The following TRIM33 variants were observed in gnomAD, a reference collection of about 807,000 sequenced individuals.
TRIM33 encodes tripartite motif containing 33.
In TRIM33, 20 loss-of-function variants were observed where a neutral mutation model predicts 125.4. The ratio of observed to expected loss-of-function variants is 0.16; its 90% CI spans 0.11 to 0.23. The LOEUF (loss-of-function observed/expected upper bound fraction) is 0.23, where lower values mean the gene tolerates loss of function less well. Among genes scored for constraint, TRIM33 ranks in the 10% least tolerant of loss-of-function variants. The pLI, the probability that TRIM33 is intolerant of heterozygous loss-of-function variation, is 1.00. For synonymous variants in TRIM33, 564 were observed against 513.9 expected, an observed-to-expected ratio of 1.10 and a Z score of -1.32; for missense variants, 920 against 1,411.4, an observed-to-expected ratio of 0.65 and a Z score of 5.58.
At chr1:114,451,289 A>G (rs185350577) in intron 4 of TRIM33, among the ~76,000 whole-genome samples, 1 of 151,366 alleles carries the variant, frequency 6.6e-6, no homozygotes, top group Non-Finnish European at 1.5e-5. Flanking sequence ...GGCTTCCTTC[A>G]TATCTCCTTT....
intron 18 of TRIM33, 67 bp from the exon 19 acceptor site, chr1:114,398,057 G>A: frequency 6.5e-7 from 1 of 1,546,366 alleles, no homozygotes; most frequent in African/African-American, 1.4e-5. Context: ...TTATGAGACT[G>A]CATAGGATTG....
At chr1:114,431,373 C>T (rs924487438) in intron 5 of TRIM33, among the ~76,000 whole-genome samples, 1 of 152,232 alleles carries the variant, frequency 6.6e-6, no homozygotes, top group African/African-American at 2.4e-5. Context: ...TTAGCCACTT[C>T]AAACATGGGT....
At position 114,423,068 on chromosome 1, in the gene TRIM33, TAA is replaced by T. The variant is rs1397451862; in HGVS notation, c.1861-1434_1861-1433del. Among the ~76,000 whole-genome samples the T allele has an allele frequency of 2.6e-5, 4 of 151,906 alleles. No individual in the cohort carries two copies. In the East Asian group the frequency reaches 5.8e-4, roughly 22 times the overall value. ...AACATACATAACCAGAAGCAGGAGG[TAA>T]AAAGTCTCCATCTAGCTCAAAGAAA... On this transcript the variant is annotated intron_variant, in intron 10 of 19. Coordinates refer to ENST00000358465, the MANE Select transcript of TRIM33 (RefSeq NM_015906.4).
chr1:114,500,428 T>G (rs926907845), intron 1 of TRIM33, among the ~76,000 whole-genome samples: 4 of 151,912 alleles, frequency 2.6e-5, no homozygotes, highest in African/African-American at 9.7e-5. Flanking sequence ...AGCTTCAAAC[T>G]CCTAAGCTCA....
intron 6 of TRIM33, among the ~76,000 whole-genome samples, chr1:114,428,508 C>A (rs567304826): frequency 1.3e-5 from 2 of 152,264 alleles, no homozygotes; most frequent in African/African-American, 4.8e-5. Context: ...ACTAAAATCA[C>A]CCCAGGAGGG....
In TRIM33 at chr1:114,399,678, T is replaced by C. The variant is rs903914996; in HGVS notation, c.2968-69A>G. 24 of 1,309,006 alleles carry C rather than the reference T, an allele frequency of 1.8e-5. 1 individual carries two copies. The Admixed American group carries it at 3.1e-4, about 17-fold the overall frequency. 81.1% of individuals were successfully genotyped at this position (1,309,006 alleles called of 1,614,324 possible). ...CCAAACTGTTTAATTTGAAAATGCA[T>C]AGCATATTAATTTTAGGGAAAAAAA... On this transcript the variant is annotated intron_variant, in intron 17 of 19. Transcript: ENST00000358465.
chr1:114,510,545 G>C lies in TRIM33; in HGVS notation c.526+6C>G, dbSNP rs1293342955. ...GCCCAGATGCCAGGCAGGGCCTCCG[G>C]CTCACCTTGCTGGATGTCGCCGTTG... On this transcript the variant is annotated splice_donor_region_variant and intron_variant, in intron 1 of 19. Transcript: ENST00000358465. 1 of 1,473,870 alleles carries C rather than the reference G, an allele frequency of 6.8e-7. No homozygotes were observed. Among genetic ancestry groups the C allele is most frequent in the Admixed American group, 2.2e-5 (1 of 44,466 alleles). The allele number at this position is 1,473,870 out of a possible 1,614,324, so 91.3% of individuals were successfully genotyped here.
At position 114,511,135 on chromosome 1, in the gene TRIM33, G is replaced by GCCGCCGCCC. The variant is rs1375905386; in HGVS notation, c.-68_-60dup. The GCCGCCGCCC allele has an allele frequency of 5.5e-6, 6 of 1,089,596 alleles. No individual in the cohort carries two copies. In the African/African-American group the frequency reaches 6.7e-5, roughly 12 times the overall value. 67.5% of individuals were successfully genotyped at this position (1,089,596 alleles called of 1,614,324 possible). A position where few individuals can be genotyped will look rare whatever the true frequency, so the allele number is the denominator to read the frequency against. ...GCCGCCCGCCGCCCGCGTCGCCGCC[G>GCCGCCGCCC]CCGCCGCCCCCAGCCCCAGCCGCAG... On this transcript the variant is annotated 5_prime_UTR_variant, in exon 1 of 20. Coordinates refer to ENST00000358465, the MANE Select transcript of TRIM33 (RefSeq NM_015906.4).
At chr1:114,504,413 C>G (rs1206028542) in intron 1 of TRIM33, among the ~76,000 whole-genome samples, 4 of 152,138 alleles carry the variant, frequency 2.6e-5, no homozygotes, top group Admixed American at 2.0e-4. Context: ...AGCAATCCAC[C>G]CACCTCGGCC....
At chr1:114,426,052 C>G (rs925929309) in intron 8 of TRIM33, among the ~76,000 whole-genome samples, 10 of 152,182 alleles carry the variant, frequency 6.6e-5, no homozygotes, top group Admixed American at 6.5e-4. Context: ...TCTCCCATGA[C>G]AAGACTTACT....
chr1:114,473,544 G>A lies in TRIM33; in HGVS notation c.527-9156C>T, dbSNP rs141079153. 3.3e-3 allele frequency among the ~76,000 whole-genome samples: 495 copies of A among 152,240 alleles called. 1 individual carries two copies. Among genetic ancestry groups the A allele is most frequent in the Admixed American group, 6.0e-3 (92 of 15,278 alleles). On this transcript the variant is annotated intron_variant, in intron 1 of 19. Transcript: ENST00000358465. ...CAGAGCAGGAAATCGGAATGAATCA[G>A]GGTGGAGAATGAGTCAGGGCAGAGC... is the stretch of plus-strand genomic sequence containing the variant.
intron 4 of TRIM33, among the ~76,000 whole-genome samples, chr1:114,440,757 A>G (rs1392614950): frequency 1.3e-5 from 2 of 152,160 alleles, no homozygotes; most frequent in African/African-American, 4.8e-5. Context: ...TTCAATGTAA[A>G]AAAAGGGGGG....
At chr1:114,489,507 G>T (rs1196549405) in intron 1 of TRIM33, among the ~76,000 whole-genome samples, 1 of 152,150 alleles carries the variant, frequency 6.6e-6, no homozygotes, top group Non-Finnish European at 1.5e-5. Context: ...ACTTTACGGG[G>T]CTGAAGCAAG....
At chr1:114,424,242 G>C (rs1572037310) in intron 10 of TRIM33, among the ~76,000 whole-genome samples, 1 of 152,254 alleles carries the variant, frequency 6.6e-6, no homozygotes, top group African/African-American at 2.4e-5. Flanking sequence ...TAAAAGAGCA[G>C]AGCAGCATTT....
intron 1 of TRIM33, among the ~76,000 whole-genome samples, chr1:114,468,049 TAGGAA>T (rs1650412908): frequency 6.6e-6 from 1 of 152,116 alleles, no homozygotes; most frequent in Non-Finnish European, 1.5e-5. Context: ...ATCCAAAGAA[TAGGAA>T]AAAGAAGCTG....
At chr1:114,434,909 C>T (rs1350080425) in intron 4 of TRIM33, among the ~76,000 whole-genome samples, 2 of 151,704 alleles carry the variant, frequency 1.3e-5, no homozygotes, top group Admixed American at 6.6e-5. Flanking sequence ...TTCAATATGG[C>T]CAAATAAAAA....
chr1:114,423,468 C>A (rs780569936), intron 10 of TRIM33, among the ~76,000 whole-genome samples: 22 of 151,842 alleles, frequency 1.4e-4, no homozygotes, highest in Non-Finnish European at 2.9e-4. Context: ...TTACAATATG[C>A]TATAAAGTAC....
chr1:114,399,805 G>A (rs777560691), intron 17 of TRIM33, among the ~76,000 whole-genome samples, 196 bp from the exon 18 acceptor site: 1 of 151,986 alleles, frequency 6.6e-6, no homozygotes, highest in Non-Finnish European at 1.5e-5. Flanking sequence ...AATCTTCATG[G>A]TTAGTCCAAG....
intron 1 of TRIM33, among the ~76,000 whole-genome samples, chr1:114,488,513 T>C (rs1240499015): frequency 1.3e-5 from 2 of 152,042 alleles, no homozygotes; most frequent in African/African-American, 2.4e-5. Flanking sequence ...CCTGTAATCC[T>C]AGCACTTTGA....
Sources: allele counts gnomAD v4.1 joint callset (sites outside exome capture counted in the v4.1 genomes callset), GRCh38; gene constraint gnomAD v4.1.1; transcripts MANE v1.5; gene names NCBI Gene and HGNC (gene_info 2026-07-23, HGNC 2026-07-21).